POLR3G: variants seen among roughly 807,000 people sequenced by gnomAD.
POLR3G encodes the protein RNA polymerase III subunit G.
In POLR3G, 28 loss-of-function variants were observed where a neutral mutation model predicts 30.1. That is an observed-to-expected ratio of 0.93 (90% CI 0.69 to 1.27). The LOEUF (loss-of-function observed/expected upper bound fraction) is 1.27. Among genes scored for constraint, POLR3G ranks in the 50% most tolerant of loss-of-function variants. The probability of loss-of-function intolerance (pLI) is 0.00; values close to 1 mark genes in which losing one functional copy is unlikely to be tolerated. For synonymous variants in POLR3G, 79 were observed against 82.5 expected (o/e 0.96, Z 0.23); for missense variants, 254 against 264.6 (o/e 0.96, Z 0.28).
At chr5:90,495,342 G>A (rs1167835550) in intron 3 of POLR3G, among the ~76,000 whole-genome samples, 2 of 152,166 alleles carry the variant, frequency 1.3e-5, no homozygotes, top group Non-Finnish European at 2.9e-5. Flanking sequence ...CTCCTTAAGG[G>A]TGTTTCTTGT....
chr5:90,497,414 C>T (rs1752045584), intron 4 of POLR3G, among the ~76,000 whole-genome samples: 1 of 151,974 alleles, frequency 6.6e-6, no homozygotes, highest in Non-Finnish European at 1.5e-5. Flanking sequence ...TTTCCTTCAC[C>T]AAAAATTTTA....
chr5:90,477,963 T>C (rs1306834987), intron 1 of POLR3G, among the ~76,000 whole-genome samples: 1 of 152,238 alleles, frequency 6.6e-6, no homozygotes, highest in African/African-American at 2.4e-5. Flanking sequence ...AGTCATTTAC[T>C]TGGCATATGC....
chr5:90,480,066 C>G (rs993240777), intron 1 of POLR3G, among the ~76,000 whole-genome samples: 1 of 152,218 alleles, frequency 6.6e-6, no homozygotes, highest in Non-Finnish European at 1.5e-5. Flanking sequence ...TCAGTGCTCT[C>G]TGGCTCCTAG....
Position 90,495,663 on chromosome 5 carries a change from CT to C in POLR3G, c.248-8del. On this transcript the variant is annotated splice_polypyrimidine_tract_variant and intron_variant, in intron 3 of 7. Transcript: ENST00000651687. ...TGATTTTCCTAATGAGTTCTTTATT[CT>C]TTTTTCCCCTAGATATTGAAAGGTA... 1.3e-6 allele frequency: 2 copies of C among 1,598,986 alleles called. No homozygotes were observed. The highest frequency in any genetic ancestry group is 1.1e-5 in the South Asian group (1 of 87,630).
At chr5:90,473,939 G>T, upstream of POLR3G, 1 of 1,604,698 alleles carries the variant, frequency 6.2e-7, no homozygotes, top group Non-Finnish European at 8.5e-7. Flanking sequence ...CGGAAAGCCA[G>T]GTCACGGTCT....
At chr5:90,478,031 G>A (rs962182697) in intron 1 of POLR3G, among the ~76,000 whole-genome samples, 5 of 152,194 alleles carry the variant, frequency 3.3e-5, no homozygotes, top group Non-Finnish European at 5.9e-5. Flanking sequence ...TTTGTTCCCT[G>A]CCTCCAGACC....
chr5:90,486,423 T>C (rs1751443099), intron 2 of POLR3G, among the ~76,000 whole-genome samples: 2 of 152,224 alleles, frequency 1.3e-5, no homozygotes, highest in Non-Finnish European at 2.9e-5. Flanking sequence ...TAGTACATAG[T>C]ATTTCTTTAT....
rs544407614 is a variant in POLR3G, at chr5:90,477,753, G to A, written c.-44+2733G>A. 5.3e-5 allele frequency among the ~76,000 whole-genome samples: 8 copies of A among 152,262 alleles called. No homozygotes were observed. The South Asian group carries it at 6.2e-4, about 12-fold the overall frequency. On this transcript the variant is annotated intron_variant, in intron 1 of 7. Coordinates refer to ENST00000651687, the MANE Select transcript of POLR3G (RefSeq NM_006467.3). ...TTGAACAAAGAATTGGACGAAACGC[G>A]CAAAGCAAAGAAAGAATGAAGCAAC...
At chr5:90,473,972 C>CGCCTCG (rs1750634435), upstream of POLR3G, 1 of 1,599,496 alleles carries the variant, frequency 6.3e-7, no homozygotes, top group Non-Finnish European at 8.5e-7. Context: ...CGCGAGCCAG[C>CGCCTCG]GCCTCGGCCT....
rs560312338 is a variant in POLR3G, at chr5:90,498,155, A to ATG, written c.355+463_355+464dup. On this transcript the variant is annotated intron_variant, in intron 5 of 7. Transcript: ENST00000651687. ...TCTCCCTCTCTCTGTCCCCCCATGT[A>ATG]TGTGTGTGTGTGTGTATATATATGC... Among the ~76,000 whole-genome samples the ATG allele has an allele frequency of 5.8e-3, 879 of 151,186 alleles. 4 individuals carry two copies. The highest frequency in any genetic ancestry group is 0.017 in the African/African-American group (703 of 41,294).
chr5:90,482,054 A>G (rs1751151396), intron 1 of POLR3G, among the ~76,000 whole-genome samples: 2 of 152,232 alleles, frequency 1.3e-5, no homozygotes, highest in African/African-American at 4.8e-5. Flanking sequence ...TAAACCAAAA[A>G]AGGCATAGAC....
chr5:90,503,633 A>G (rs969765008), intron 6 of POLR3G, among the ~76,000 whole-genome samples: 16 of 152,274 alleles, frequency 1.1e-4, no homozygotes, highest in African/African-American at 3.9e-4. Flanking sequence ...CTGGAAATTT[A>G]AATCTAGAAA....
chr5:90,505,091 G>A lies in POLR3G; in HGVS notation c.439-1437G>A, dbSNP rs558848972. 3.3e-5 allele frequency among the ~76,000 whole-genome samples: 5 copies of A among 152,174 alleles called. No individual in the cohort carries two copies. In the South Asian group the frequency reaches 1.0e-3, roughly 32 times the overall value. On this transcript the variant is annotated intron_variant, in intron 6 of 7. Coordinates refer to ENST00000651687, the MANE Select transcript of POLR3G (RefSeq NM_006467.3). ...CTTTGATTTCCTTAAATTCAAATTTGAATTTAATTACAAGGATTTTTAAAG... is the reference window on the plus strand; with the variant it reads ...CTTTGATTTCCTTAAATTCAAATTTAAATTTAATTACAAGGATTTTTAAAG...
chr5:90,501,495 A>T (rs990398233), intron 5 of POLR3G, among the ~76,000 whole-genome samples: 3 of 152,212 alleles, frequency 2.0e-5, no homozygotes, highest in Non-Finnish European at 4.4e-5. Context: ...ACCTGCTAAG[A>T]TTCCTCTGGT....
In POLR3G at chr5:90,490,101, T is replaced by C. The variant is rs193300122; in HGVS notation, c.247+1972T>C. Among the ~76,000 whole-genome samples the C allele has an allele frequency of 4.0e-3, 608 of 151,440 alleles. 4 individuals are homozygous for C. The highest frequency in any genetic ancestry group is 0.014 in the African/African-American group (581 of 41,300). On this transcript the variant is annotated intron_variant, in intron 3 of 7. Transcript: ENST00000651687. Reference sequence around the variant, plus strand: ...CAGCCTGGGTGACAGAGTGAGACTCTGTCTCAAAAAAAAAAAGTATATCAT... The same window carrying C: ...CAGCCTGGGTGACAGAGTGAGACTCCGTCTCAAAAAAAAAAAGTATATCAT...
At chr5:90,488,853 T>C (rs886300546) in intron 3 of POLR3G, among the ~76,000 whole-genome samples, 1 of 152,174 alleles carries the variant, frequency 6.6e-6, no homozygotes, top group Non-Finnish European at 1.5e-5. Flanking sequence ...TGGAGAGGGC[T>C]CAACAGTCTC....
At chr5:90,480,277 A>G (rs1340110566) in intron 1 of POLR3G, among the ~76,000 whole-genome samples, 1 of 152,214 alleles carries the variant, frequency 6.6e-6, no homozygotes, top group African/African-American at 2.4e-5. Context: ...CTTTCATGAT[A>G]CATTTACCAG....
upstream of POLR3G, chr5:90,474,596 A>C: frequency 2.4e-6 from 1 of 408,790 alleles, no homozygotes. Flanking sequence ...GAGAGCTTTA[A>C]CGCAGGGGCC....
intron 1 of POLR3G, among the ~76,000 whole-genome samples, 192 bp from the exon 2 acceptor site, chr5:90,485,333 A>G (rs1245147839): frequency 6.6e-6 from 1 of 152,200 alleles, no homozygotes; most frequent in Non-Finnish European, 1.5e-5. Context: ...AGCCATCATT[A>G]TCTTACCTGC....
Sources: allele counts gnomAD v4.1 joint callset (sites outside exome capture counted in the v4.1 genomes callset), GRCh38; gene constraint gnomAD v4.1.1; transcripts MANE v1.5; gene names NCBI Gene and HGNC (gene_info 2026-07-23, HGNC 2026-07-21).